EXOC1L: variants seen among roughly 807,000 people sequenced by gnomAD.
EXOC1L encodes exocyst complex component 1 like.
EXOC1L carries 10 observed loss-of-function variants against 4.9 expected under a neutral mutation model. The observed-to-expected ratio is 2.02, with a 90% CI of 1.25 to 3.43. The LOEUF is 3.43. Ranked by LOEUF, EXOC1L falls within the 30% of genes most tolerant of loss-of-function variation. The probability of loss-of-function intolerance (pLI) is 0.00; values close to 1 mark genes in which losing one functional copy is unlikely to be tolerated. For synonymous variants in EXOC1L, 41 were observed against 20.8 expected (o/e 1.97, Z -2.63); for missense variants, 114 against 59.4 (o/e 1.92, Z -3.02).
chr4:55,832,233 T>A (rs1992813), intron 2 of EXOC1L, among the ~76,000 whole-genome samples: 140,316 of 152,084 alleles, frequency 0.92, 64,863 homozygotes, highest in East Asian at 0.97. Context: ...AAAAATTAGG[T>A]CCATGGTTTT....
intron 1 of EXOC1L, among the ~76,000 whole-genome samples, chr4:55,826,753 T>C (rs905804371): frequency 6.6e-6 from 1 of 152,192 alleles, no homozygotes; most frequent in Non-Finnish European, 1.5e-5. Context: ...AAAGCTGAAG[T>C]GTGGAAATTA....
Position 55,826,493 on chromosome 4 carries a change from C to T in EXOC1L, c.122-4841C>T, listed in dbSNP as rs997007531. ...ATTTAAAGTGAAAATAAATGATTGG[C>T]ATGAAGTTAAAATTATAATTCTGAA... On this transcript the variant is annotated intron_variant, in intron 1 of 2. Transcript: ENST00000636125. Among the ~76,000 whole-genome samples, 6 of 152,158 alleles carry T rather than the reference C, an allele frequency of 3.9e-5. No homozygotes were observed. The South Asian group carries it at 8.3e-4, about 21-fold the overall frequency.
At chr4:55,835,759 T>C (rs1404583272) in intron 2 of EXOC1L, among the ~76,000 whole-genome samples, 1 of 152,074 alleles carries the variant, frequency 6.6e-6, no homozygotes, top group Non-Finnish European at 1.5e-5. Context: ...ATATTAGTCC[T>C]TTCTTGGATG....
intron 2 of EXOC1L, among the ~76,000 whole-genome samples, chr4:55,833,681 T>C (rs1720090458): frequency 6.6e-6 from 1 of 151,896 alleles, no homozygotes; most frequent in African/African-American, 2.4e-5. Context: ...ACAAGTTTGC[T>C]CAATGCCTAG....
chr4:55,826,977 T>C (rs1209801443), intron 1 of EXOC1L, among the ~76,000 whole-genome samples: 1 of 152,192 alleles, frequency 6.6e-6, no homozygotes, highest in Non-Finnish European at 1.5e-5. Context: ...ATGTCTCTTC[T>C]CTCCATTCCC....
chr4:55,821,501 G>T (rs183144600), intron 1 of EXOC1L, among the ~76,000 whole-genome samples: 79 of 152,086 alleles, frequency 5.2e-4, no homozygotes, highest in Admixed American at 7.9e-4. Flanking sequence ...TTATAAAGCT[G>T]ATTTCTCATT....
intron 1 of EXOC1L, among the ~76,000 whole-genome samples, chr4:55,831,017 T>G (rs1223196637): frequency 6.6e-6 from 1 of 152,208 alleles, no homozygotes; most frequent in African/African-American, 2.4e-5. Context: ...AGCCTCTTAT[T>G]TCCTGCCCCA....
chr4:55,836,588 T>C (rs941581088), intron 2 of EXOC1L, among the ~76,000 whole-genome samples: 1 of 151,936 alleles, frequency 6.6e-6, no homozygotes, highest in African/African-American at 2.4e-5. Flanking sequence ...GCTATTACCT[T>C]CAAAAGTAAT....
At chr4:55,825,930 C>T (rs917127910) in intron 1 of EXOC1L, among the ~76,000 whole-genome samples, 1 of 151,528 alleles carries the variant, frequency 6.6e-6, no homozygotes, top group Non-Finnish European at 1.5e-5. Context: ...ACTAAAAATA[C>T]AAAAATTAGC....
intron 1 of EXOC1L, among the ~76,000 whole-genome samples, chr4:55,829,528 C>A (rs1719969813): frequency 1.3e-5 from 2 of 152,194 alleles, no homozygotes; most frequent in Admixed American, 1.3e-4. Context: ...AAAAATTCTT[C>A]TTTAATAGAG....
At chr4:55,834,805 G>A (rs1720119409) in intron 2 of EXOC1L, among the ~76,000 whole-genome samples, 1 of 151,492 alleles carries the variant, frequency 6.6e-6, no homozygotes, top group African/African-American at 2.4e-5. Flanking sequence ...GTATGATTAT[G>A]GTTTTTTTAA....
intron 2 of EXOC1L, among the ~76,000 whole-genome samples, chr4:55,835,445 G>A (rs1475474365): frequency 6.6e-6 from 1 of 151,828 alleles, no homozygotes; most frequent in Admixed American, 6.6e-5. Context: ...CTTTTCCATA[G>A]TGGTTGTGCT....
In EXOC1L at chr4:55,831,322, T is replaced by C. The variant is rs1214138476; in HGVS notation, c.122-12T>C. 1 of 566,532 alleles carries C rather than the reference T, an allele frequency of 1.8e-6. No individual in the cohort carries two copies. Among genetic ancestry groups the C allele is most frequent in the Non-Finnish European group, 3.1e-6 (1 of 320,604 alleles). 35.1% of individuals were successfully genotyped at this position (566,532 alleles called of 1,614,324 possible). ...AGAATTTATGTAAACTAAGTATTTT[T>C]CTGTCCTACAGTGACCAAAAAGGAA... On this transcript the variant is annotated splice_polypyrimidine_tract_variant and intron_variant, in intron 1 of 2. Coordinates refer to ENST00000636125, the MANE Select transcript of EXOC1L (RefSeq NM_001351574.3).
chr4:55,827,557 GGGCACTC>G (rs1553920101), intron 1 of EXOC1L, among the ~76,000 whole-genome samples: 1 of 152,110 alleles, frequency 6.6e-6, no homozygotes, highest in Non-Finnish European at 1.5e-5. Flanking sequence ...GGTACAAAAA[GGGCACTC>G]GAATATTTAT....
intron 2 of EXOC1L, among the ~76,000 whole-genome samples, chr4:55,836,290 T>C (rs1402722333): frequency 6.6e-6 from 1 of 151,906 alleles, no homozygotes; most frequent in Non-Finnish European, 1.5e-5. Flanking sequence ...TTAGTAGTCA[T>C]CACGCATAAG....
intron 2 of EXOC1L, among the ~76,000 whole-genome samples, chr4:55,835,370 C>T (rs987765702): frequency 6.6e-6 from 1 of 151,794 alleles, no homozygotes; most frequent in Non-Finnish European, 1.5e-5. Flanking sequence ...GGGTAGAAAC[C>T]CAGGAGTTGG....
In EXOC1L at chr4:55,824,271, T is replaced by TCA. The variant is rs746113500; in HGVS notation, c.121+4125_121+4126insAC. On this transcript the variant is annotated intron_variant, in intron 1 of 2. Transcript: ENST00000636125. Reference sequence around the variant, plus strand: ...TTTTTCAAGTCTCTCTCTCTCTCTCTCTCACACACACACACACACACACAC... The same window carrying TCA: ...TTTTTCAAGTCTCTCTCTCTCTCTCTCACTCACACACACACACACACACACAC... 2.5e-3 allele frequency among the ~76,000 whole-genome samples: 355 copies of TCA among 144,694 alleles called. 1 individual carries two copies. The highest frequency in any genetic ancestry group is 3.9e-3 in the Non-Finnish European group (251 of 64,798). The allele number at this position is 144,694 out of a possible 152,430, so 94.9% of individuals were successfully genotyped here. A position where few individuals can be genotyped will look rare whatever the true frequency, so the allele number is the denominator to read the frequency against.
intron 1 of EXOC1L, 149 bp downstream of exon 1, chr4:55,820,296 T>G: frequency 2.6e-6 from 1 of 389,516 alleles, no homozygotes; most frequent in South Asian, 1.4e-4. Context: ...GGTTTAAGAA[T>G]TTGGGTTCTA....
chr4:55,831,547 G>T (rs1463185786), intron 2 of EXOC1L, 83 bp downstream of exon 2: 4 of 576,952 alleles, frequency 6.9e-6, no homozygotes, highest in Non-Finnish European at 1.2e-5. Flanking sequence ...TATATTCTTG[G>T]CATGTACTAA....
Sources: gnomAD v4.1 joint callset for allele counts (sites outside exome capture counted in the v4.1 genomes callset) on GRCh38, gnomAD v4.1.1 for gene constraint, MANE v1.5 for transcripts, NCBI Gene and HGNC (gene_info 2026-07-23, HGNC 2026-07-21) for gene names.